The following BPIFB4 variants were observed in gnomAD, a reference collection of about 807,000 sequenced individuals.
BPIFB4 encodes the protein BPI fold-containing family B member 4.
In BPIFB4, 62 loss-of-function variants were observed where a neutral mutation model predicts 69.2. The ratio of observed to expected loss-of-function variants is 0.90; its 90% CI spans 0.73 to 1.11. The LOEUF is 1.11. Ranked by LOEUF, BPIFB4 falls within the 50% of genes least tolerant of loss-of-function variation. BPIFB4 has a pLI of 0.00. For synonymous variants in BPIFB4, 330 were observed against 332.7 expected (o/e 0.99, Z 0.09); for missense variants, 789 against 792.0 (o/e 1.00, Z 0.04).
chr20:33,079,864 G>A (rs1394802656), intron 1 of BPIFB4, among the ~76,000 whole-genome samples, 161 bp downstream of exon 1: 1 of 152,228 alleles, frequency 6.6e-6, no homozygotes, highest in Non-Finnish European at 1.5e-5. Context: ...AGAGCCTCTT[G>A]GGAATCAGCA....
intron 11 of BPIFB4, 124 bp from the exon 12 acceptor site, chr20:33,094,976 G>C (rs1981716165): frequency 1.1e-6 from 1 of 924,366 alleles, no homozygotes; most frequent in Non-Finnish European, 1.8e-6. Context: ...GTCTTTCAGG[G>C]AGAGAAGACG....
Position 33,083,601 on chromosome 20 carries a change from G to A in BPIFB4, c.404G>A (p.Gly135Asp). The A allele has an allele frequency of 6.2e-7, 1 of 1,614,058 alleles. No homozygotes were observed. The highest frequency in any genetic ancestry group is 8.5e-7 in the Non-Finnish European group (1 of 1,179,974). The change falls in exon 5 of 18, where the codon GGC (glycine) becomes GAC (aspartate). Residue 135 changes from glycine (G) to aspartate (D), a missense_variant. This residue lies in a region of BPIFB4 where 611 missense variants were observed against 575.4 expected (regional missense o/e 1.06). Transcript: ENST00000375483. ...GAGAATGCATATGGAGGCCACAGGG[G>A]CCTCGGGCGATACAGGGCAGCACCT... ...SAENAYGGHR[G>D]LGRYRAAPVG...
rs1982176821 is a variant in BPIFB4 at position 33,109,540 on chromosome 20, A to AT, written c.1821+1721dup. Among the ~76,000 whole-genome samples, 6 of 152,172 alleles carry AT rather than the reference A, an allele frequency of 3.9e-5. 1 individual carries two copies. The South Asian group carries it at 1.2e-3, about 32-fold the overall frequency. On this transcript the variant is annotated intron_variant, in intron 17 of 17. Transcript: ENST00000375483. ...AAACAGTGTGAAGCAGCTCAAACCA[A>AT]TGGCTCTCAGTGGGGCTGTACTACA...
intron 7 of BPIFB4, among the ~76,000 whole-genome samples, chr20:33,088,544 A>G (rs1981502357): frequency 6.6e-6 from 1 of 152,066 alleles, no homozygotes; most frequent in South Asian, 2.1e-4. Context: ...CTGAGTACCT[A>G]CTATGTACTA....
chr20:33,085,038 G>C, intron 6 of BPIFB4, 42 bp downstream of exon 6: 2 of 1,589,470 alleles, frequency 1.3e-6, no homozygotes, highest in Non-Finnish European at 8.5e-7. Flanking sequence ...CCACCCTATG[G>C]CCCAACCTCT....
chr20:33,099,927 G>C (rs1981860458), intron 13 of BPIFB4, among the ~76,000 whole-genome samples: 1 of 29,940 alleles, frequency 3.3e-5, no homozygotes, highest in African/African-American at 1.1e-4. Context: ...CCTCTACTTG[G>C]AGAGAGAGAG....
intron 14 of BPIFB4, among the ~76,000 whole-genome samples, chr20:33,101,705 C>A (rs1981913073): frequency 6.6e-6 from 1 of 152,116 alleles, no homozygotes; most frequent in African/African-American, 2.4e-5. Context: ...ACCACCACGC[C>A]AGACTAATTT....
Position 33,104,878 on chromosome 20 carries a change from G to C in BPIFB4, c.1744+5G>C. 3.7e-6 allele frequency: 6 copies of C among 1,614,010 alleles called. No individual in the cohort carries two copies. Among genetic ancestry groups the C allele is most frequent in the Non-Finnish European group, 4.2e-6 (5 of 1,179,918 alleles). On this transcript the variant is annotated splice_donor_5th_base_variant and intron_variant, in intron 16 of 17. Transcript: ENST00000375483. ...CATTCATGCCCGCAATGAACGGTGA[G>C]AGCGGGTGCCTGTGCCTCTCTGGGA...
At chr20:33,082,653 G>A (rs543819973) in intron 3 of BPIFB4, among the ~76,000 whole-genome samples, 3 of 152,158 alleles carry the variant, frequency 2.0e-5, no homozygotes, top group Non-Finnish European at 4.4e-5. Flanking sequence ...TTTTAAAGCT[G>A]TAAAGTGCAG....
chr20:33,105,186 G>A (rs968805712), intron 16 of BPIFB4, among the ~76,000 whole-genome samples: 1 of 151,948 alleles, frequency 6.6e-6, no homozygotes, highest in East Asian at 1.9e-4. Context: ...AACTCACCTC[G>A]CAGAGGCAAT....
intron 12 of BPIFB4, among the ~76,000 whole-genome samples, chr20:33,096,113 A>G (rs780246927): frequency 1.3e-5 from 2 of 152,152 alleles, no homozygotes; most frequent in Non-Finnish European, 2.9e-5. Context: ...TATTGCCCTC[A>G]TGTGGCTGCA....
rs755097283 is a variant in BPIFB4 at position 33,100,467 on chromosome 20, G to A, written c.1611G>A (p.Lys537=). 8 of 1,607,900 alleles carry A rather than the reference G, an allele frequency of 5.0e-6. No individual in the cohort carries two copies. In the Admixed American group the frequency reaches 1.2e-4, roughly 23 times the overall value. Reference sequence around the variant, plus strand: ...CCTCATTTTCCACAGAAGGAGATAAGCTCATGATTGATGCCAAGCTGGAGA... The same window carrying A: ...CCTCATTTTCCACAGAAGGAGATAAACTCATGATTGATGCCAAGCTGGAGA... ...FLASFSTEGD[K]LMIDAKLEKT... Residue 537 remains lysine, a synonymous_variant, in exon 14 of 18, where the codon AAG becomes AAA. Transcript: ENST00000375483.
intron 13 of BPIFB4, 74 bp from the exon 14 acceptor site, chr20:33,100,352 A>G (rs1981872976): frequency 2.3e-6 from 3 of 1,321,684 alleles, no homozygotes; most frequent in South Asian, 1.2e-5. Context: ...AGCACTGGGC[A>G]CACAATGAGC....
Position 33,092,463 on chromosome 20 carries a change from G to A in BPIFB4, c.1149G>A (p.Leu383=). ...GEFLELDLNT[L]VGEAGGGLID... Reference sequence around the variant, plus strand: ...TTTCTTCTCTTCTCCCCCAGACGCTGGTTGGGGAGGCTGGAGGAGGACTCA... The same window carrying A: ...TTTCTTCTCTTCTCCCCCAGACGCTAGTTGGGGAGGCTGGAGGAGGACTCA... The change falls in exon 11 of 18, where the codon CTG becomes CTA. Residue 383 remains leucine, a synonymous_variant. Transcript: ENST00000375483. 1 of 1,613,066 alleles carries A rather than the reference G, an allele frequency of 6.2e-7. No homozygotes were observed. Among genetic ancestry groups the A allele is most frequent in the Non-Finnish European group, 8.5e-7 (1 of 1,179,242 alleles).
In BPIFB4 at chr20:33,086,161, G is replaced by A. The variant is rs376856849; in HGVS notation, c.923G>A (p.Arg308Gln). 16 of 1,604,926 alleles carry A rather than the reference G, an allele frequency of 1.0e-5. No individual in the cohort carries two copies. Among genetic ancestry groups the A allele is most frequent in the Admixed American group, 5.0e-5 (3 of 59,856 alleles). Residue 308 changes from arginine (R) to glutamine (Q), a missense_variant, in exon 7 of 18, where the codon CGA becomes CAA. Coordinates refer to ENST00000375483, the MANE Select transcript of BPIFB4 (RefSeq NM_182519.3). ...GGGGGCATCAAAGTCAAGCTGCTGCGAGGGTGAGTGCTAGCCGGCAGTGGA... is the reference window on the plus strand; with the variant it reads ...GGGGGCATCAAAGTCAAGCTGCTGCAAGGGTGAGTGCTAGCCGGCAGTGGA... ...LLGGIKVKLL[R>Q]GLLPNLVDNL...
intron 17 of BPIFB4, among the ~76,000 whole-genome samples, chr20:33,109,453 A>G (rs754717954): frequency 6.6e-6 from 1 of 152,130 alleles, no homozygotes; most frequent in Non-Finnish European, 1.5e-5. Flanking sequence ...GGACTTGAGT[A>G]TCAGAGAGGG....
In BPIFB4 at chr20:33,092,542, C is replaced by T; in HGVS notation, c.1228C>T (p.Pro410Ser). The T allele has an allele frequency of 6.2e-7, 1 of 1,614,142 alleles. No homozygotes were observed. The highest frequency in any genetic ancestry group is 8.5e-7 in the Non-Finnish European group (1 of 1,179,994). Residue 410 changes from proline to serine, a missense_variant, in exon 11 of 18, where the codon CCT becomes TCT. By Grantham distance (74) the Pro-to-Ser change is moderately conservative (BLOSUM62 -1). Around this residue, in one of 3 missense-constraint regions of BPIFB4, gnomAD observed 611 missense variants for 575.4 expected, o/e 1.06. Coordinates refer to ENST00000375483, the MANE Select transcript of BPIFB4 (RefSeq NM_182519.3). Reference protein sequence around the residue: ...AVSPKPMPELPPMGDNTKSQL... With the variant: ...AVSPKPMPELSPMGDNTKSQL... Reference sequence around the variant, plus strand: ...GTCTCCCAAGCCGATGCCAGAGCTGCCTCCCATGGGTGACAACACCAAGTC... The same window carrying T: ...GTCTCCCAAGCCGATGCCAGAGCTGTCTCCCATGGGTGACAACACCAAGTC...
In BPIFB4 at chr20:33,089,063, A is replaced by C. The variant is rs6119321; in HGVS notation, c.990+34A>C. The stretch of plus-strand genomic sequence containing the variant: ...CTGTCCCAGTATGGGAGCAAGGGGC[A>C]CAGGCTTCCCCCAGACTGAGGGGCC... On this transcript the variant is annotated intron_variant, in intron 8 of 17. Coordinates refer to ENST00000375483, the MANE Select transcript of BPIFB4 (RefSeq NM_182519.3). 14,085 of 1,613,532 alleles carry C rather than the reference A, an allele frequency of 8.7e-3. 884 individuals carry two copies. The African/African-American group carries it at 0.15, about 17-fold the overall frequency.
At chr20:33,087,810 A>T (rs954849329) in intron 7 of BPIFB4, among the ~76,000 whole-genome samples, 1 of 151,526 alleles carries the variant, frequency 6.6e-6, no homozygotes, top group Admixed American at 6.6e-5. Flanking sequence ...ATCTGAGGAG[A>T]GGTGGAACCA....
Sources: allele counts gnomAD v4.1 joint callset (sites outside exome capture counted in the v4.1 genomes callset), GRCh38; gene constraint gnomAD v4.1.1; regional missense constraint gnomAD v4.1.1; transcripts MANE v1.5; gene names NCBI Gene and HGNC (gene_info 2026-07-23, HGNC 2026-07-21).